Variants in TBC1D24 observed in about 807,000 individuals in gnomAD.
TBC1D24 encodes the protein Infantile myoclonic epilepsy.
Under a neutral mutation model 50.7 loss-of-function variants are expected in TBC1D24, and 47 were observed. That is an observed-to-expected ratio of 0.93 (90% CI 0.73 to 1.18). TBC1D24 has a LOEUF of 1.18. TBC1D24 is among the 50% of genes most tolerant of loss of function. The pLI, the probability that TBC1D24 is intolerant of heterozygous loss-of-function variation, is 0.00. For missense variants in TBC1D24, 688 were observed against 766.5 expected, an observed-to-expected ratio of 0.90 and a Z score of 1.21; for synonymous variants, 324 against 335.2, an observed-to-expected ratio of 0.97 and a Z score of 0.36.
intron 1 of TBC1D24, among the ~76,000 whole-genome samples, chr16:2,494,870 T>C (rs2065724334): frequency 6.6e-6 from 1 of 152,138 alleles, no homozygotes. Flanking sequence ...GAAGCCCTTC[T>C]AATACTTACA....
rs999557207 is a variant in TBC1D24 at position 2,501,177 on chromosome 16, AGGGCCTGCTGT to A, written c.*221_*231del. ...CCACCTGCATCTGGGTCAGAGCTGG[AGGGCCTGCTGT>A]GCCCCCAGCCCCACCCAGAGCTGGC... On this transcript the variant is annotated 3_prime_UTR_variant, in exon 8 of 8. Coordinates refer to ENST00000646147, the MANE Select transcript of TBC1D24 (RefSeq NM_001199107.2). 4 of 619,374 alleles carry A rather than the reference AGGGCCTGCTGT, an allele frequency of 6.5e-6. No individual in the cohort carries two copies. In the Admixed American group the frequency reaches 8.8e-5, roughly 14 times the overall value. 38.4% of individuals were successfully genotyped at this position (619,374 alleles called of 1,614,324 possible). A position where few individuals can be genotyped will look rare whatever the true frequency, so the allele number is the denominator to read the frequency against.
intron 2 of TBC1D24, among the ~76,000 whole-genome samples, 190 bp downstream of exon 2, chr16:2,497,303 G>A (rs988437181): frequency 1.3e-5 from 2 of 152,232 alleles, no homozygotes; most frequent in African/African-American, 4.8e-5. Flanking sequence ...GAGGGACATC[G>A]GGTCCTATCC....
chr16:2,491,408 A>G (rs1293717813), intron 1 of TBC1D24, among the ~76,000 whole-genome samples: 1 of 150,694 alleles, frequency 6.6e-6, no homozygotes, highest in Non-Finnish European at 1.5e-5. Context: ...TTTTTCAGAC[A>G]GGGTCTTGCT....
chr16:2,486,453 G>A lies in TBC1D24; in HGVS notation c.-115-9581G>A, dbSNP rs968158320. Among the ~76,000 whole-genome samples, 9 of 152,308 alleles carry A rather than the reference G, an allele frequency of 5.9e-5. No homozygotes were observed. The highest frequency in any genetic ancestry group is 3.9e-4 in the East Asian group (2 of 5,192). On this transcript the variant is annotated intron_variant, in intron 1 of 7. Transcript: ENST00000646147. The surrounding 1 kb of genome is among the most constrained non-coding windows in gnomAD (Gnocchi z 5.8). The stretch of plus-strand genomic sequence containing the variant: ...CTGAGGTCCAGCCACACAGAACCCC[G>A]CGTCCTTGATAGCTTGTCAGCTGCT...
rs768592545 is a variant in TBC1D24, at chr16:2,497,134, G to A, written c.965+21G>A. On this transcript the variant is annotated intron_variant, in intron 2 of 7. Transcript: ENST00000646147. ...AAGAGGTAGGTCGCCGGCAGCCTGTGAGGGGTACACCCAGGGTCGGGGGCT... is the reference window on the plus strand; with the variant it reads ...AAGAGGTAGGTCGCCGGCAGCCTGTAAGGGGTACACCCAGGGTCGGGGGCT... 8 of 1,599,414 alleles carry A rather than the reference G, an allele frequency of 5.0e-6. No homozygotes were observed. In the South Asian group the frequency reaches 8.8e-5, roughly 18 times the overall value.
At position 2,497,178 on chromosome 16, in the gene TBC1D24, C is replaced by T. The variant is rs567260549; in HGVS notation, c.965+65C>T. ...GGGGGCTGGGGCAGGACGTGTCTGG[C>T]GTGAGCTCATCCTGCCGGCCTCCAG... is the stretch of plus-strand genomic sequence containing the variant. On this transcript the variant is annotated intron_variant, in intron 2 of 7. Transcript: ENST00000646147. 168 of 1,592,384 alleles carry T rather than the reference C, an allele frequency of 1.1e-4. 2 individuals are homozygous for T. The African/African-American group carries it at 1.9e-3, about 18-fold the overall frequency.
intron 1 of TBC1D24, among the ~76,000 whole-genome samples, chr16:2,495,036 AAT>A (rs1304561305): frequency 6.6e-5 from 10 of 151,272 alleles, no homozygotes; most frequent in African/African-American, 2.4e-4. Flanking sequence ...ACACACACAA[AAT>A]AAATAATAAT....
Position 2,485,836 on chromosome 16 carries a change from A to G in TBC1D24, c.-115-10198A>G, listed in dbSNP as rs2065645122. ...GCGTCAGAGCAGAGGAAAACGTGGTATGAGAGTTTTTCCAAAGAGTCCAGA... is the reference window on the plus strand; with the variant it reads ...GCGTCAGAGCAGAGGAAAACGTGGTGTGAGAGTTTTTCCAAAGAGTCCAGA... On this transcript the variant is annotated intron_variant, in intron 1 of 7. Coordinates refer to ENST00000646147, the MANE Select transcript of TBC1D24 (RefSeq NM_001199107.2). The surrounding 1 kb of genome is among the most constrained non-coding windows in gnomAD (Gnocchi z 4.6). 1.3e-5 allele frequency among the ~76,000 whole-genome samples: 2 copies of G among 152,162 alleles called. No individual in the cohort carries two copies. Among genetic ancestry groups the G allele is most frequent in the South Asian group, 4.1e-4 (2 of 4,828 alleles).
chr16:2,490,450 C>T (rs758335260), intron 1 of TBC1D24, among the ~76,000 whole-genome samples: 24 of 152,164 alleles, frequency 1.6e-4, no homozygotes, highest in Middle Eastern at 3.2e-3. Context: ...GCGATTCGCT[C>T]GGACCCCAGA....
In TBC1D24 at chr16:2,499,194, G is replaced by C. The variant is rs2141875397; in HGVS notation, c.1143-163G>C. Among the ~76,000 whole-genome samples the C allele has an allele frequency of 6.6e-6, 1 of 152,322 alleles. No individual in the cohort carries two copies. The highest frequency in any genetic ancestry group is 1.5e-5 in the Non-Finnish European group (1 of 68,016). ...GCTGTCCTGGGGATGGCAGAGAAGG[G>C]CCAGGTGAGAAGAACACCTGGGTGA... On this transcript the variant is annotated intron_variant, in intron 4 of 7. Transcript: ENST00000646147. This position sits in a 1 kb window ranked among gnomAD's most constrained non-coding sequence, Gnocchi z 4.0.
chr16:2,497,267 G>A (rs750997368), intron 2 of TBC1D24, among the ~76,000 whole-genome samples, 154 bp downstream of exon 2: 18 of 152,248 alleles, frequency 1.2e-4, no homozygotes, highest in Non-Finnish European at 2.4e-4. Context: ...GAAACAGGAA[G>A]GGCCTTCCCA....
chr16:2,498,954 C>T (rs1440189837), intron 4 of TBC1D24, among the ~76,000 whole-genome samples: 3 of 152,262 alleles, frequency 2.0e-5, no homozygotes, highest in Non-Finnish European at 4.4e-5. Context: ...GGAGCCACTT[C>T]TCCTGGCCCT....
chr16:2,478,989 C>A (rs1051894348), intron 1 of TBC1D24: 1 of 151,706 alleles, frequency 6.6e-6, no homozygotes, highest in African/African-American at 2.4e-5. Flanking sequence ...ACCTCTCGGA[C>A]TCAAGCAGTC....
chr16:2,481,859 G>T (rs2065612825), intron 1 of TBC1D24: 1 of 152,270 alleles, frequency 6.6e-6, no homozygotes, highest in African/African-American at 2.4e-5. Context: ...GGGCCAACCG[G>T]CCCATGGTGT....
In TBC1D24 at chr16:2,485,274, C is replaced by T. The variant is rs2065640430; in HGVS notation, c.-116+10104C>T. On this transcript the variant is annotated intron_variant, in intron 1 of 7. Coordinates refer to ENST00000646147, the MANE Select transcript of TBC1D24 (RefSeq NM_001199107.2). The surrounding 1 kb of genome is among the most constrained non-coding windows in gnomAD (Gnocchi z 4.6). ...TAGAACTTTCAGCCCCACCCCCAACCGCGGGGAGGGGAGAGGTCCAGAGGT... is the reference window on the plus strand; with the variant it reads ...TAGAACTTTCAGCCCCACCCCCAACTGCGGGGAGGGGAGAGGTCCAGAGGT... 1.3e-5 allele frequency: 2 copies of T among 152,128 alleles called. No individual in the cohort carries two copies. Among genetic ancestry groups the T allele is most frequent in the Non-Finnish European group, 2.9e-5 (2 of 68,078 alleles). The allele number at this position is 152,128 out of a possible 1,614,324, so 9.4% of individuals were successfully genotyped here. A position where few individuals can be genotyped will look rare whatever the true frequency, so the allele number is the denominator to read the frequency against.
At chr16:2,498,215 T>C in intron 3 of TBC1D24, 23 bp from the exon 4 acceptor site, 3 of 1,587,342 alleles carry the variant, frequency 1.9e-6, no homozygotes, top group Non-Finnish European at 2.6e-6. Context: ...CTTCGGGCTC[T>C]GACCCCTGCT....
At chr16:2,494,859 G>C (rs1213723325) in intron 1 of TBC1D24, among the ~76,000 whole-genome samples, 3 of 152,082 alleles carry the variant, frequency 2.0e-5, no homozygotes, top group African/African-American at 4.8e-5. Flanking sequence ...TATCTTAAGT[G>C]GAAGCCCTTC....
At chr16:2,494,884 A>T (rs921465995) in intron 1 of TBC1D24, among the ~76,000 whole-genome samples, 1 of 152,096 alleles carries the variant, frequency 6.6e-6, no homozygotes, top group Admixed American at 6.6e-5. Context: ...ACTTACACAA[A>T]GATTAAGGCA....
At position 2,499,739 on chromosome 16, in the gene TBC1D24, C is replaced by T; in HGVS notation, c.1207-96C>T. 1 of 1,111,388 alleles carries T rather than the reference C, an allele frequency of 9.0e-7. No homozygotes were observed. The highest frequency in any genetic ancestry group is 1.5e-5 in the African/African-American group (1 of 65,168). The allele number at this position is 1,111,388 out of a possible 1,614,324, so 68.8% of individuals were successfully genotyped here. ...GGTGGGAGACGGCAATGCCTGCACC[C>T]CCACCTGTGACCTGGGACAGGCCCG... On this transcript the variant is annotated intron_variant, in intron 5 of 7. Transcript: ENST00000646147. This position sits in a 1 kb window ranked among gnomAD's most constrained non-coding sequence, Gnocchi z 4.0.
Sources: allele counts gnomAD v4.1 joint callset (sites outside exome capture counted in the v4.1 genomes callset), GRCh38; gene constraint gnomAD v4.1.1; non-coding constraint Gnocchi (gnomAD v3.1); transcripts MANE v1.5; gene names NCBI Gene and HGNC (gene_info 2026-07-23, HGNC 2026-07-21).